KCNQ1: variants seen among roughly 807,000 people sequenced by gnomAD.
The protein encoded by KCNQ1 is potassium voltage-gated channel subfamily KQT member 1.
KCNQ1 carries 49 observed loss-of-function variants against 72.4 expected under a neutral mutation model. The ratio of observed to expected loss-of-function variants is 0.68; its 90% CI spans 0.54 to 0.86. The LOEUF is 0.86. Ranked by LOEUF, KCNQ1 falls within the 40% of genes least tolerant of loss-of-function variation. KCNQ1 has a pLI of 0.00. For missense variants in KCNQ1, 790 were observed against 945.1 expected (o/e 0.84, Z 2.15); for synonymous variants, 450 against 412.6 (o/e 1.09, Z -1.10).
chr11:2,484,533 C>T lies in KCNQ1; in HGVS notation c.386+39049C>T, dbSNP rs1016226077. Among the ~76,000 whole-genome samples the T allele has an allele frequency of 5.3e-5, 8 of 152,322 alleles. No individual in the cohort carries two copies. The highest frequency in any genetic ancestry group is 3.3e-4 in the Admixed American group (5 of 15,310). On this transcript the variant is annotated intron_variant, in intron 1 of 15. Transcript: ENST00000155840. This position sits in a 1 kb window ranked among gnomAD's most constrained non-coding sequence, Gnocchi z 5.2. ...CAGAAACAACCTTCCATTCAGCTTC[C>T]ATGCCCCTTTGGTGGGCCCTGTCTT...
chr11:2,779,085 C>T (rs2133993918), intron 15 of KCNQ1, among the ~76,000 whole-genome samples: 1 of 152,378 alleles, frequency 6.6e-6, no homozygotes, highest in Admixed American at 6.5e-5. Flanking sequence ...GACCACAGTA[C>T]CCTGAGTCCC....
chr11:2,525,291 C>G lies in KCNQ1; in HGVS notation c.387-2637C>G, dbSNP rs939640732. The stretch of plus-strand genomic sequence containing the variant: ...GATGGGCACTCACCCTTCCAACCAA[C>G]CTTTGCTTGTGTCCCCGTGAGATCC... On this transcript the variant is annotated intron_variant, in intron 1 of 15. Coordinates refer to ENST00000155840, the MANE Select transcript of KCNQ1 (RefSeq NM_000218.3). Among the ~76,000 whole-genome samples the G allele has an allele frequency of 5.3e-5, 8 of 152,256 alleles. No individual in the cohort carries two copies. The East Asian group carries it at 1.3e-3, about 26-fold the overall frequency.
intron 1 of KCNQ1, among the ~76,000 whole-genome samples, chr11:2,505,400 C>G (rs1216036811): frequency 2.0e-5 from 3 of 152,178 alleles, no homozygotes; most frequent in African/African-American, 7.2e-5. Flanking sequence ...GGCCTGATCT[C>G]TCCTGGGAAC....
Position 2,624,409 on chromosome 11 carries a change from T to G in KCNQ1, c.1393+35555T>G, listed in dbSNP as rs943841747. The G allele has an allele frequency of 5.0e-6, 2 of 398,482 alleles. No homozygotes were observed. Among genetic ancestry groups the G allele is most frequent in the Admixed American group, 8.8e-5 (2 of 22,734 alleles). 24.7% of individuals were successfully genotyped at this position (398,482 alleles called of 1,614,324 possible). On this transcript the variant is annotated intron_variant, in intron 10 of 15. Transcript: ENST00000155840. The surrounding 1 kb of genome is among the most constrained non-coding windows in gnomAD (Gnocchi z 4.9). ...ACAGTATGTTTTACAGAGCAGAAAC[T>G]TTTATTTTTAACAAAGTCTAGCTTA... is the stretch of plus-strand genomic sequence containing the variant.
At chr11:2,806,683 C>T (rs540488108) in intron 15 of KCNQ1, among the ~76,000 whole-genome samples, 11 of 152,350 alleles carry the variant, frequency 7.2e-5, no homozygotes, top group African/African-American at 2.6e-4. Flanking sequence ...CCCATTCATT[C>T]TCTCCGTGGG....
intron 11 of KCNQ1, among the ~76,000 whole-genome samples, chr11:2,737,658 G>C (rs1012914584): frequency 6.6e-6 from 1 of 152,216 alleles, no homozygotes; most frequent in African/African-American, 2.4e-5. Context: ...GGAAGCCTTC[G>C]TGCTGACTCG....
chr11:2,745,710 C>G lies in KCNQ1; in HGVS notation c.1515-23134C>G, dbSNP rs1253169468. 6.6e-6 allele frequency among the ~76,000 whole-genome samples: 1 copy of G among 152,186 alleles called. No individual in the cohort carries two copies. Among genetic ancestry groups the G allele is most frequent in the East Asian group, 1.9e-4 (1 of 5,184 alleles). ...CGGCGGAGGCAGGGGCTTCCTCTGA[C>G]ACGATACAGGGATTTGCTGACGGTT... On this transcript the variant is annotated intron_variant, in intron 11 of 15. Transcript: ENST00000155840. This position sits in a 1 kb window ranked among gnomAD's most constrained non-coding sequence, Gnocchi z 6.2.
At chr11:2,776,593 G>A (rs1324564212) in intron 13 of KCNQ1, among the ~76,000 whole-genome samples, 1 of 152,320 alleles carries the variant, frequency 6.6e-6, no homozygotes, top group Middle Eastern at 3.4e-3. Flanking sequence ...CAGACTCAGA[G>A]CAGCTGTGCC....
At chr11:2,796,535 T>C (rs1847135740) in intron 15 of KCNQ1, among the ~76,000 whole-genome samples, 1 of 152,144 alleles carries the variant, frequency 6.6e-6, no homozygotes, top group African/African-American at 2.4e-5. Flanking sequence ...GTAGTCCTCA[T>C]TTCCTCACTC....
Position 2,585,198 on chromosome 11 carries a change from C to G in KCNQ1, c.1033-14C>G. 1 of 1,611,506 alleles carries G rather than the reference C, an allele frequency of 6.2e-7. No homozygotes were observed. The highest frequency in any genetic ancestry group is 8.5e-7 in the Non-Finnish European group (1 of 1,177,692). ...GCCTGTGTGGACGGGAGCCTCCTGT[C>G]CATTCCTTCCCAGGGGATTCTTGGC... On this transcript the variant is annotated splice_polypyrimidine_tract_variant and intron_variant, in intron 7 of 15. Transcript: ENST00000155840.
chr11:2,744,442 A>G (rs994180981), intron 11 of KCNQ1, among the ~76,000 whole-genome samples: 1 of 152,230 alleles, frequency 6.6e-6, no homozygotes, highest in Non-Finnish European at 1.5e-5. Flanking sequence ...GCAGGGGTGC[A>G]AGAGGTGCCT....
At chr11:2,700,057 A>C (rs949877728) in intron 11 of KCNQ1, 38 of 398,026 alleles carry the variant, frequency 9.5e-5, no homozygotes, top group African/African-American at 6.6e-4. Context: ...ACCGCCCCCC[A>C]CCTGCTGATT....
In KCNQ1 at chr11:2,562,807, C is replaced by A. The variant is rs1177951558; in HGVS notation, c.478-7821C>A. Among the ~76,000 whole-genome samples the A allele has an allele frequency of 6.6e-6, 1 of 152,132 alleles. No individual in the cohort carries two copies. The highest frequency in any genetic ancestry group is 1.5e-5 in the Non-Finnish European group (1 of 68,044). On this transcript the variant is annotated intron_variant, in intron 2 of 15. Transcript: ENST00000155840. The surrounding 1 kb of genome is among the most constrained non-coding windows in gnomAD (Gnocchi z 7.5). Reference sequence around the variant, plus strand: ...CCGGCTGTGTTTCTGCATCCTTGACCCTGGCCCCTTCCACAAAGCTCAGCT... The same window carrying A: ...CCGGCTGTGTTTCTGCATCCTTGACACTGGCCCCTTCCACAAAGCTCAGCT...
At position 2,450,620 on chromosome 11, in the gene KCNQ1, G is replaced by A. The variant is rs115406027; in HGVS notation, c.386+5136G>A. Among the ~76,000 whole-genome samples, 1,363 of 152,132 alleles carry A rather than the reference G, an allele frequency of 9.0e-3. 28 individuals are homozygous for A. Among genetic ancestry groups the A allele is most frequent in the African/African-American group, 0.031 (1,291 of 41,478 alleles). ...TTGCATCTGGGGTCCCTGCGGGCAC[G>A]TCGGTGAGACCGTCCTGGCCTCCAC... On this transcript the variant is annotated intron_variant, in intron 1 of 15. Transcript: ENST00000155840. This position sits in a 1 kb window ranked among gnomAD's most constrained non-coding sequence, Gnocchi z 7.9.
intron 1 of KCNQ1, among the ~76,000 whole-genome samples, chr11:2,514,534 G>C (rs755024032): frequency 9.2e-5 from 14 of 152,322 alleles, no homozygotes; most frequent in Non-Finnish European, 2.1e-4. Flanking sequence ...AGAAAGACTT[G>C]GCCGGGCGAG....
rs889631897 is a variant in KCNQ1, at chr11:2,735,345, C to T, written c.1515-33499C>T. Reference sequence around the variant, plus strand: ...GGCTAATGGCAATTGAGGCCCTGCCCGGTGGAGGGTGGGCCATGGCCGCCC... The same window carrying T: ...GGCTAATGGCAATTGAGGCCCTGCCTGGTGGAGGGTGGGCCATGGCCGCCC... On this transcript the variant is annotated intron_variant, in intron 11 of 15. Transcript: ENST00000155840. The surrounding 1 kb of genome is among the most constrained non-coding windows in gnomAD (Gnocchi z 7.7). 2.6e-5 allele frequency among the ~76,000 whole-genome samples: 4 copies of T among 152,018 alleles called. No homozygotes were observed. Among genetic ancestry groups the T allele is most frequent in the Non-Finnish European group, 4.4e-5 (3 of 67,964 alleles).
chr11:2,676,671 C>A lies in KCNQ1; in HGVS notation c.1514+14590C>A. On this transcript the variant is annotated intron_variant, in intron 11 of 15. Coordinates refer to ENST00000155840, the MANE Select transcript of KCNQ1 (RefSeq NM_000218.3). The surrounding 1 kb of genome is among the most constrained non-coding windows in gnomAD (Gnocchi z 4.2). ...TAGTTCATTAAGGTCTTGAGTATTT[C>A]CAAGGGAGCACTAACTGGACTACAG... The A allele has an allele frequency of 2.5e-6, 1 of 398,612 alleles. No homozygotes were observed. Among genetic ancestry groups the A allele is most frequent in the East Asian group, 3.6e-5 (1 of 28,080 alleles). 24.7% of individuals were successfully genotyped at this position (398,612 alleles called of 1,614,324 possible). A position where few individuals can be genotyped will look rare whatever the true frequency, so the allele number is the denominator to read the frequency against.
Position 2,670,103 on chromosome 11 carries a change from G to A in KCNQ1, c.1514+8022G>A. 2.5e-6 allele frequency: 1 copy of A among 398,718 alleles called. No homozygotes were observed. The highest frequency in any genetic ancestry group is 4.4e-6 in the Non-Finnish European group (1 of 226,164). 24.7% of individuals were successfully genotyped at this position (398,718 alleles called of 1,614,324 possible). A position where few individuals can be genotyped will look rare whatever the true frequency, so the allele number is the denominator to read the frequency against. On this transcript the variant is annotated intron_variant, in intron 11 of 15. Coordinates refer to ENST00000155840, the MANE Select transcript of KCNQ1 (RefSeq NM_000218.3). The surrounding 1 kb of genome is among the most constrained non-coding windows in gnomAD (Gnocchi z 4.9). ...GCAGAATCAGTGGACTGTGTCTCATGGCAGTCACAGGTGCCCCAGTATGCA... is the reference window on the plus strand; with the variant it reads ...GCAGAATCAGTGGACTGTGTCTCATAGCAGTCACAGGTGCCCCAGTATGCA...
At chr11:2,527,381 G>A (rs1388954777) in intron 1 of KCNQ1, among the ~76,000 whole-genome samples, 3 of 152,212 alleles carry the variant, frequency 2.0e-5, no homozygotes, top group Middle Eastern at 3.2e-3. Flanking sequence ...GACAGGGGGC[G>A]TTGACTGCTC....
Sources: gnomAD v4.1 joint callset for allele counts (sites outside exome capture counted in the v4.1 genomes callset) on GRCh38, gnomAD v4.1.1 for gene constraint, Gnocchi (gnomAD v3.1) non-coding constraint, MANE v1.5 for transcripts, NCBI Gene and HGNC (gene_info 2026-07-23, HGNC 2026-07-21) for gene names.